MGA: variants seen among roughly 807,000 people sequenced by gnomAD.
MGA encodes the protein MAX gene-associated protein.
Under a neutral mutation model 261.1 loss-of-function variants are expected in MGA, and 40 were observed. The ratio of observed to expected loss-of-function variants is 0.15; its 90% CI spans 0.12 to 0.20. MGA has a LOEUF of 0.20. Among genes scored for constraint, MGA ranks in the 10% least tolerant of loss-of-function variants. The pLI, the probability that MGA is intolerant of heterozygous loss-of-function variation, is 1.00. For synonymous variants in MGA, 1,302 were observed against 1,290.6 expected (o/e 1.01, Z -0.19); for missense variants, 3,397 against 3,630.5 (o/e 0.94, Z 1.65).
intron 1 of MGA, among the ~76,000 whole-genome samples, chr15:41,623,601 G>A (rs999700008): frequency 4.0e-5 from 6 of 151,668 alleles, no homozygotes; most frequent in African/African-American, 7.3e-5. Flanking sequence ...AAAATTAGCC[G>A]GGTGTGGCGA....
At chr15:41,635,178 AC>A (rs1184915692) in intron 1 of MGA, among the ~76,000 whole-genome samples, 4 of 151,982 alleles carry the variant, frequency 2.6e-5, no homozygotes, top group African/African-American at 9.7e-5. Context: ...TACTAAAAAT[AC>A]AAAAATTGGC....
intron 22 of MGA, 98 bp from the exon 23 acceptor site, chr15:41,764,788 C>T (rs973194579): frequency 6.6e-6 from 8 of 1,218,266 alleles, no homozygotes; most frequent in Admixed American, 2.1e-5. Context: ...AAGTGATCTG[C>T]CTGCCTCAGC....
At chr15:41,660,758 G>C (rs1463980199) in intron 1 of MGA, among the ~76,000 whole-genome samples, 6 of 152,188 alleles carry the variant, frequency 3.9e-5, no homozygotes, top group Admixed American at 3.9e-4. Context: ...CTTCCGCGTC[G>C]CTCAGCTACC....
intron 5 of MGA, among the ~76,000 whole-genome samples, chr15:41,704,612 C>A (rs1000126705): frequency 1.3e-5 from 2 of 152,108 alleles, no homozygotes; most frequent in Admixed American, 6.5e-5. Context: ...GAGTGGAGAT[C>A]GTGCCACTGC....
intron 11 of MGA, among the ~76,000 whole-genome samples, chr15:41,729,650 T>C (rs1174689381): frequency 1.3e-5 from 2 of 151,418 alleles, no homozygotes; most frequent in Non-Finnish European, 2.9e-5. Flanking sequence ...GGTGAAACCC[T>C]ATCTTTACTA....
intron 3 of MGA, among the ~76,000 whole-genome samples, chr15:41,698,171 CTTTTTT>C (rs11442137): frequency 2.6e-5 from 3 of 115,982 alleles, no homozygotes; most frequent in African/African-American, 1.0e-4. Context: ...CCCCTGGCCT[CTTTTTT>C]TTTTTTTTTT....
At chr15:41,668,126 CTT>C (rs557928089) in intron 1 of MGA, among the ~76,000 whole-genome samples, 25 of 142,028 alleles carry the variant, frequency 1.8e-4, no homozygotes, top group Non-Finnish European at 1.6e-4. Context: ...AAATTTATCA[CTT>C]TTTTTTTTTT....
At chr15:41,743,657 G>C (rs1186420867) in intron 15 of MGA, among the ~76,000 whole-genome samples, 1 of 152,154 alleles carries the variant, frequency 6.6e-6, no homozygotes. Context: ...CTCAAATGCA[G>C]ATGTTCCTTT....
chr15:41,736,394 C>T lies in MGA; in HGVS notation c.4130C>T (p.Ala1377Val), dbSNP rs1381465433. The T allele has an allele frequency of 6.2e-7, 1 of 1,614,012 alleles. No homozygotes were observed. Among genetic ancestry groups the T allele is most frequent in the East Asian group, 2.2e-5 (1 of 44,882 alleles). Residue 1377 changes from alanine (A) to valine (V), a missense_variant, in exon 13 of 24, where the codon GCT (alanine) becomes GTT (valine). Physicochemically the swap from Ala to Val is moderately conservative, Grantham distance 64. Coordinates refer to ENST00000219905, the MANE Select transcript of MGA (RefSeq NM_001164273.2). ...GTGGGCAGCTTCATCATTGAGTTGG[C>T]TTCTCAGCGAAAGAGCCGGGGTGAG...
rs139824886 is a variant in MGA, at chr15:41,714,780, G to A, written c.3430+1284G>A. Among the ~76,000 whole-genome samples the A allele has an allele frequency of 2.0e-5, 3 of 152,308 alleles. No individual in the cohort carries two copies. The East Asian group carries it at 5.8e-4, about 29-fold the overall frequency. ...AGTGCTAGGATTATAATAGGCATGAGCCACTGTACCCAATTAGTTTTCTGT... is the reference window on the plus strand; with the variant it reads ...AGTGCTAGGATTATAATAGGCATGAACCACTGTACCCAATTAGTTTTCTGT... On this transcript the variant is annotated intron_variant, in intron 9 of 23. Coordinates refer to ENST00000219905, the MANE Select transcript of MGA (RefSeq NM_001164273.2).
At chr15:41,660,566 G>C (rs968638039) in intron 1 of MGA, 41 bp downstream of exon 1, 1 of 152,684 alleles carries the variant, frequency 6.5e-6, no homozygotes, top group African/African-American at 2.4e-5. Context: ...CTTAGTACTG[G>C]CCCGATTGGA....
At chr15:41,645,763 A>G (rs1011274544) in intron 1 of MGA, among the ~76,000 whole-genome samples, 5 of 152,222 alleles carry the variant, frequency 3.3e-5, no homozygotes, top group Admixed American at 6.5e-5. Context: ...CTTGGAAGAT[A>G]TATTCACTAC....
At position 41,736,359 on chromosome 15, in the gene MGA, A is replaced by C. The variant is rs770938159; in HGVS notation, c.4095A>C (p.Gln1365His). Residue 1365 changes from glutamine to histidine, a missense_variant, in exon 13 of 24, where the codon CAA (glutamine) becomes CAC (histidine). By Grantham distance (24) the Gln-to-His change is conservative. Transcript: ENST00000219905. ...AGCACATCAATAGCAACATGCCACA[A>C]TCACTTAAGGTGGGCAGCTTCATCA... 6.2e-7 allele frequency: 1 copy of C among 1,613,972 alleles called. No individual in the cohort carries two copies. The highest frequency in any genetic ancestry group is 1.1e-5 in the South Asian group (1 of 91,074).
Position 41,750,087 on chromosome 15 carries a change from G to A in MGA, c.6480G>A (p.Glu2160=). 6.2e-7 allele frequency: 1 copy of A among 1,613,236 alleles called. No individual in the cohort carries two copies. ...CTAATCTACAGCCAGAGGCCAAAGA[G>A]AAGGAATGTGGAGACTCTCTGGAGA... Residue 2160 remains glutamate (E), a synonymous_variant, in exon 17 of 24, where the codon GAG becomes GAA. Transcript: ENST00000219905.
At chr15:41,685,765 G>A (rs1433425806) in intron 2 of MGA, among the ~76,000 whole-genome samples, 3 of 151,246 alleles carry the variant, frequency 2.0e-5, no homozygotes, top group East Asian at 2.0e-4. Context: ...AGGCCGAGGC[G>A]GGAGGATCAG....
chr15:41,634,226 G>C (rs559587332), intron 1 of MGA, among the ~76,000 whole-genome samples: 1 of 152,192 alleles, frequency 6.6e-6, no homozygotes, highest in South Asian at 2.1e-4. Context: ...ATGAGGACAG[G>C]GATTTTTGTC....
Position 41,713,382 on chromosome 15 carries a change from C to G in MGA, c.3316C>G (p.Arg1106Gly), listed in dbSNP as rs1652600876. 3.1e-6 allele frequency: 5 copies of G among 1,609,924 alleles called. No homozygotes were observed. In the African/African-American group the frequency reaches 4.0e-5, roughly 13 times the overall value. The change falls in exon 9 of 24, where the codon CGA becomes GGA. Residue 1106 changes from arginine (R) to glycine (G), a missense_variant. By Grantham distance (125) the Arg-to-Gly change is moderately radical. This residue lies in a region of MGA where 519 missense variants were observed against 554.1 expected (regional missense o/e 0.94). Coordinates refer to ENST00000219905, the MANE Select transcript of MGA (RefSeq NM_001164273.2). ...GCATTTTCAGAGGAAGGCTGCTCAT[C>G]GAGATCCAGTATTTTATGATACTCT...
chr15:41,709,325 G>A (rs2060268933), intron 7 of MGA, among the ~76,000 whole-genome samples: 1 of 152,114 alleles, frequency 6.6e-6, no homozygotes, highest in African/African-American at 2.4e-5. Flanking sequence ...TCCAGCCGGA[G>A]TGACAGAGCG....
At chr15:41,655,142 T>C (rs1288053501) in intron 1 of MGA, among the ~76,000 whole-genome samples, 1 of 151,888 alleles carries the variant, frequency 6.6e-6, no homozygotes, top group Non-Finnish European at 1.5e-5. Flanking sequence ...ATGTAACCCA[T>C]GTACATCCTC....
Sources: gnomAD v4.1 joint callset for allele counts (sites outside exome capture counted in the v4.1 genomes callset) on GRCh38, gnomAD v4.1.1 for gene constraint, gnomAD v4.1.1 regional missense constraint, MANE v1.5 for transcripts, NCBI Gene and HGNC (gene_info 2026-07-23, HGNC 2026-07-21) for gene names.